The following LINGO2 variants were observed in gnomAD, a reference collection of about 807,000 sequenced individuals.
LINGO2 encodes the protein leucine-rich repeat and immunoglobulin-like domain-containing nogo receptor-interacting protein 2.
LINGO2 carries 14 observed loss-of-function variants against 30.6 expected under a neutral mutation model. The observed-to-expected ratio is 0.46, with a 90% CI of 0.30 to 0.72. LINGO2 has a LOEUF of 0.72. Ranked by LOEUF, LINGO2 falls within the 30% of genes least tolerant of loss-of-function variation. The probability of loss-of-function intolerance (pLI) is 0.07; values close to 1 mark genes in which losing one functional copy is unlikely to be tolerated. For synonymous variants in LINGO2, 317 were observed against 288.5 expected, an observed-to-expected ratio of 1.10 and a Z score of -1.00; for missense variants, 729 against 751.7, an observed-to-expected ratio of 0.97 and a Z score of 0.35.
At chr9:27,956,199 C>T (rs974832044) in intron 5 of LINGO2, among the ~76,000 whole-genome samples, 1 of 152,142 alleles carries the variant, frequency 6.6e-6, no homozygotes, top group Non-Finnish European at 1.5e-5. Context: ...CGCCTCGGCT[C>T]CCAAAATGTT....
chr9:29,071,661 G>C, the LINGO2 span, among the ~76,000 whole-genome samples: 1 of 151,816 alleles, frequency 6.6e-6, no homozygotes, highest in African/African-American at 2.4e-5. Flanking sequence ...GAAAACTTCA[G>C]AACAACTATG....
chr9:28,567,408 C>T (rs911218346), intron 1 of LINGO2, among the ~76,000 whole-genome samples: 3 of 152,038 alleles, frequency 2.0e-5, no homozygotes, highest in Non-Finnish European at 4.4e-5. Flanking sequence ...GGTCCATCAA[C>T]AGTGGGCTGG....
intron 1 of LINGO2, among the ~76,000 whole-genome samples, chr9:28,606,072 T>G (rs953043640): frequency 6.6e-6 from 1 of 152,068 alleles, no homozygotes; most frequent in East Asian, 1.9e-4. Flanking sequence ...ATGCTTACAT[T>G]TTAATAACCA....
At chr9:28,967,815 C>T in the LINGO2 span, among the ~76,000 whole-genome samples, 1 of 152,258 alleles carries the variant, frequency 6.6e-6, no homozygotes, top group East Asian at 1.9e-4. Flanking sequence ...TCTATTTCTT[C>T]TCTTTCACCT....
intron 4 of LINGO2, among the ~76,000 whole-genome samples, chr9:28,014,802 A>G (rs537011766): frequency 3.9e-5 from 6 of 152,292 alleles, no homozygotes; most frequent in African/African-American, 1.2e-4. Flanking sequence ...ATCTAGGTAT[A>G]TGTTAGTCCT....
intron 3 of LINGO2, among the ~76,000 whole-genome samples, chr9:28,354,580 G>A (rs565565703): frequency 3.9e-5 from 6 of 152,242 alleles, no homozygotes; most frequent in African/African-American, 1.4e-4. Flanking sequence ...AAGAAACATG[G>A]GGTGAAATAA....
chr9:28,642,857 A>G (rs1554649615), intron 1 of LINGO2, among the ~76,000 whole-genome samples: 1 of 152,158 alleles, frequency 6.6e-6, no homozygotes, highest in Non-Finnish European at 1.5e-5. Context: ...AATTCAAGGC[A>G]GATTTTGTTT....
At chr9:28,780,830 ATGTGTGTGTGTG>A in the LINGO2 span, among the ~76,000 whole-genome samples, 5,126 of 127,478 alleles carry the variant, frequency 0.04, 114 homozygotes, top group African/African-American at 0.066. Flanking sequence ...CTTGGTAGTA[ATGTGTGTGTGTG>A]TGTGTGTGTG....
At chr9:28,481,022 A>G (rs1177513116) in intron 1 of LINGO2, among the ~76,000 whole-genome samples, 1 of 152,056 alleles carries the variant, frequency 6.6e-6, no homozygotes, top group Middle Eastern at 3.2e-3. Context: ...CAAAACTATA[A>G]TGTTGTCAAC....
At chr9:28,942,660 A>G in the LINGO2 span, among the ~76,000 whole-genome samples, 1 of 152,164 alleles carries the variant, frequency 6.6e-6, no homozygotes, top group East Asian at 1.9e-4. Context: ...GAAACTGAGC[A>G]ATTTTCTTAT....
intron 4 of LINGO2, among the ~76,000 whole-genome samples, chr9:28,234,733 G>A (rs919891672): frequency 2.7e-5 from 4 of 149,192 alleles, no homozygotes; most frequent in African/African-American, 1.0e-4. Flanking sequence ...TTTGGCCACA[G>A]ACTGTCAGCT....
chr9:29,082,888 A>C, the LINGO2 span, among the ~76,000 whole-genome samples: 1 of 152,188 alleles, frequency 6.6e-6, no homozygotes, highest in Non-Finnish European at 1.5e-5. Flanking sequence ...ATGAGATACC[A>C]TCTCACACAA....
chr9:29,204,992 A>C, the LINGO2 span, among the ~76,000 whole-genome samples: 1 of 152,182 alleles, frequency 6.6e-6, no homozygotes, highest in African/African-American at 2.4e-5. Context: ...ACTTGCTAAC[A>C]GTTTTTATCA....
intron 1 of LINGO2, among the ~76,000 whole-genome samples, chr9:28,623,763 T>G (rs1826524449): frequency 6.6e-6 from 1 of 152,066 alleles, no homozygotes; most frequent in Non-Finnish European, 1.5e-5. Context: ...GGAATTGCAT[T>G]GAATGTATAG....
chr9:28,457,860 C>T (rs1245886964), intron 2 of LINGO2, among the ~76,000 whole-genome samples: 1 of 151,942 alleles, frequency 6.6e-6, no homozygotes, highest in Non-Finnish European at 1.5e-5. Context: ...TTTTCTTTTC[C>T]CCTCATATAA....
intron 1 of LINGO2, among the ~76,000 whole-genome samples, chr9:28,602,762 A>G (rs1020362286): frequency 2.0e-5 from 3 of 152,096 alleles, no homozygotes; most frequent in Admixed American, 6.6e-5. Flanking sequence ...GCAATGCTGT[A>G]TCTCCATACA....
chr9:28,005,848 A>G (rs917518785), intron 5 of LINGO2, among the ~76,000 whole-genome samples: 2 of 152,146 alleles, frequency 1.3e-5, no homozygotes, highest in Non-Finnish European at 2.9e-5. Context: ...CCAAAAATGC[A>G]TAGATGGCCT....
the LINGO2 span, among the ~76,000 whole-genome samples, chr9:28,796,238 T>G: frequency 6.6e-6 from 1 of 152,124 alleles, no homozygotes; most frequent in Non-Finnish European, 1.5e-5. Context: ...CATTAGGAAC[T>G]AGCTATAATA....
At chr9:28,706,302 G>A in the LINGO2 span, among the ~76,000 whole-genome samples, 1 of 152,050 alleles carries the variant, frequency 6.6e-6, no homozygotes, top group Non-Finnish European at 1.5e-5. Flanking sequence ...AACAACAAAG[G>A]CATTGGAATA....
Sources: allele counts gnomAD v4.1 joint callset (sites outside exome capture counted in the v4.1 genomes callset), GRCh38; gene constraint gnomAD v4.1.1; transcripts MANE v1.5; gene names NCBI Gene and HGNC (gene_info 2026-07-23, HGNC 2026-07-21).